RGS7: variants seen among roughly 807,000 people sequenced by gnomAD.
RGS7 encodes the protein regulator of G-protein signaling 7.
In RGS7, 27 loss-of-function variants were observed where a neutral mutation model predicts 81.1. That is an observed-to-expected ratio of 0.33 (90% CI 0.25 to 0.46). RGS7 has a LOEUF of 0.46. Among genes scored for constraint, RGS7 ranks in the 20% least tolerant of loss-of-function variants. The pLI, the probability that RGS7 is intolerant of heterozygous loss-of-function variation, is 1.00. For synonymous variants in RGS7, 208 were observed against 207.7 expected (o/e 1.00, Z -0.01); for missense variants, 396 against 607.4 (o/e 0.65, Z 3.66).
intron 2 of RGS7, among the ~76,000 whole-genome samples, chr1:241,327,119 AAAG>A (rs1439205406): frequency 8.8e-5 from 10 of 114,062 alleles, no homozygotes; most frequent in East Asian, 4.9e-4. Flanking sequence ...AGAAAGAAAG[AAAG>A]AAAGAAAGAA....
At chr1:241,018,721 C>T (rs2059395344) in intron 3 of RGS7, among the ~76,000 whole-genome samples, 1 of 152,052 alleles carries the variant, frequency 6.6e-6, no homozygotes, top group Non-Finnish European at 1.5e-5. Flanking sequence ...GGGCTGTGGC[C>T]TTCACAGGTG....
At chr1:241,347,741 G>A (rs762049706) in intron 2 of RGS7, among the ~76,000 whole-genome samples, 1 of 152,054 alleles carries the variant, frequency 6.6e-6, no homozygotes, top group Non-Finnish European at 1.5e-5. Context: ...GTCATCTGAT[G>A]TTAGGAGAGT....
chr1:240,791,509 T>G (rs1180459895), intron 18 of RGS7, among the ~76,000 whole-genome samples: 2 of 152,224 alleles, frequency 1.3e-5, no homozygotes, highest in African/African-American at 2.4e-5. Flanking sequence ...GTCATTGCTT[T>G]CTGGGTACTA....
chr1:241,135,310 C>T (rs912986719), intron 2 of RGS7, among the ~76,000 whole-genome samples: 13 of 152,034 alleles, frequency 8.6e-5, no homozygotes, highest in Admixed American at 7.2e-4. Context: ...ACCTGTAGTC[C>T]CAGCTACTCG....
At chr1:241,181,161 T>C (rs763368752) in intron 2 of RGS7, among the ~76,000 whole-genome samples, 6 of 152,170 alleles carry the variant, frequency 3.9e-5, no homozygotes, top group Non-Finnish European at 8.8e-5. Flanking sequence ...GCCCAAACTA[T>C]AGAATGTACA....
intron 2 of RGS7, among the ~76,000 whole-genome samples, chr1:241,218,480 T>A (rs775939089): frequency 2.0e-5 from 3 of 152,128 alleles, no homozygotes; most frequent in Non-Finnish European, 4.4e-5. Flanking sequence ...TCCACATAAG[T>A]TGCATTTGAT....
rs374197718 is a variant in RGS7, at chr1:241,295,382, G to C, written c.78+60317C>G. On this transcript the variant is annotated intron_variant, in intron 2 of 18. Transcript: ENST00000440928. Reference sequence around the variant, plus strand: ...GCAGGAGAATCATTTGAACCTGAGAGGTGGAGGTTGCAGTGAGCCGAGATC... The same window carrying C: ...GCAGGAGAATCATTTGAACCTGAGACGTGGAGGTTGCAGTGAGCCGAGATC... Among the ~76,000 whole-genome samples, 16 of 152,162 alleles carry C rather than the reference G, an allele frequency of 1.1e-4. No homozygotes were observed. The East Asian group carries it at 1.9e-3, about 18-fold the overall frequency.
At chr1:240,917,594 T>C (rs1048005864) in intron 6 of RGS7, among the ~76,000 whole-genome samples, 1 of 152,110 alleles carries the variant, frequency 6.6e-6, no homozygotes, top group Non-Finnish European at 1.5e-5. Context: ...CTAGAAAAAC[T>C]GTAAGACATT....
chr1:241,283,857 T>C (rs958317588), intron 2 of RGS7, among the ~76,000 whole-genome samples: 1 of 152,206 alleles, frequency 6.6e-6, no homozygotes, highest in Non-Finnish European at 1.5e-5. Flanking sequence ...TATTGTTCTA[T>C]CTTCCAGTTC....
intron 2 of RGS7, among the ~76,000 whole-genome samples, chr1:241,220,392 G>C (rs1012165021): frequency 6.6e-6 from 1 of 152,130 alleles, no homozygotes; most frequent in South Asian, 2.1e-4. Flanking sequence ...ACAATGTCTA[G>C]AGAGATAGGG....
rs1360678707 is a variant in RGS7 at position 241,258,306 on chromosome 1, G to A, written c.78+97393C>T. ...TAGATAAAACAAATTGACATGGGAC[G>A]TGAATGGGAGAGAAATGAGAAAACC... On this transcript the variant is annotated intron_variant, in intron 2 of 18. Coordinates refer to ENST00000440928, the MANE Select transcript of RGS7 (RefSeq NM_001364886.1). Among the ~76,000 whole-genome samples, 7 of 152,204 alleles carry A rather than the reference G, an allele frequency of 4.6e-5. No individual in the cohort carries two copies. In the Middle Eastern group the frequency reaches 0.014, roughly 298 times the overall value.
At chr1:241,304,068 TAATC>T (rs1437004808) in intron 2 of RGS7, among the ~76,000 whole-genome samples, 7 of 152,254 alleles carry the variant, frequency 4.6e-5, no homozygotes, top group Non-Finnish European at 1.0e-4. Context: ...AAATTTATAT[TAATC>T]AATCATTTGG....
rs74817017 is a variant in RGS7 at position 241,304,923 on chromosome 1, T to C, written c.78+50776A>G. Among the ~76,000 whole-genome samples, 23 of 152,354 alleles carry C rather than the reference T, an allele frequency of 1.5e-4. No homozygotes were observed. The East Asian group carries it at 4.1e-3, about 27-fold the overall frequency. On this transcript the variant is annotated intron_variant, in intron 2 of 18. Transcript: ENST00000440928. ...TTCATGATTAAATCACAATTACTAA[T>C]TGTAGTAATTATAATCTGTTGTAAC...
chr1:240,885,750 G>C (rs897158567), intron 6 of RGS7, among the ~76,000 whole-genome samples: 2 of 152,176 alleles, frequency 1.3e-5, no homozygotes, highest in East Asian at 3.9e-4. Context: ...CTACTTGAGA[G>C]TGGAGGGTGG....
chr1:241,355,734 C>T lies in RGS7; in HGVS notation c.43G>A (p.Ala15Thr), dbSNP rs892506261. 6.2e-7 allele frequency: 1 copy of T among 1,614,136 alleles called. No individual in the cohort carries two copies. Among genetic ancestry groups the T allele is most frequent in the Non-Finnish European group, 8.5e-7 (1 of 1,180,008 alleles). Residue 15 changes from alanine (A) to threonine (T), a missense_variant, in exon 2 of 19, where the codon GCC becomes ACC. Ala to Thr is a moderately conservative substitution (Grantham distance 58). Coordinates refer to ENST00000440928, the MANE Select transcript of RGS7 (RefSeq NM_001364886.1). The part of the protein sequence containing the change: ...NNYGQTSNGV[A>T]DESPNMLVYR... Reference sequence around the variant, plus strand: ...ACCAGCATGTTGGGTGATTCATCGGCCACCCCGTTGCTGGTCTGCCCATAA... The same window carrying T: ...ACCAGCATGTTGGGTGATTCATCGGTCACCCCGTTGCTGGTCTGCCCATAA...
At chr1:241,206,996 T>G (rs1414089253) in intron 2 of RGS7, among the ~76,000 whole-genome samples, 2 of 123,678 alleles carry the variant, frequency 1.6e-5, no homozygotes, top group African/African-American at 3.1e-5. Flanking sequence ...TGAGATGGAG[T>G]CTCGCTCTGT....
rs373916102 is a variant in RGS7, at chr1:240,979,378, A to C, written c.226+3701T>G. 1.2e-4 allele frequency among the ~76,000 whole-genome samples: 19 copies of C among 152,352 alleles called. No homozygotes were observed. In the East Asian group the frequency reaches 3.5e-3, roughly 28 times the overall value. ...ATAATAAAATAACCGAAATAAGCTT[A>C]GTAAGAAAAGTGCAAAGTCTATATT... is the stretch of plus-strand genomic sequence containing the variant. On this transcript the variant is annotated intron_variant, in intron 4 of 18. Transcript: ENST00000440928.
chr1:241,272,150 C>T (rs1012803411), intron 2 of RGS7, among the ~76,000 whole-genome samples: 106 of 152,064 alleles, frequency 7.0e-4, no homozygotes, highest in African/African-American at 2.4e-3. Flanking sequence ...CCCGCCACCA[C>T]GCCTGGCTAA....
At chr1:241,135,864 C>T (rs532394129) in intron 2 of RGS7, among the ~76,000 whole-genome samples, 1 of 151,612 alleles carries the variant, frequency 6.6e-6, no homozygotes, top group South Asian at 2.1e-4. Flanking sequence ...CCTCCGCCTC[C>T]CGGGTTCAAG....
Sources: gnomAD v4.1 joint callset for allele counts (sites outside exome capture counted in the v4.1 genomes callset) on GRCh38, gnomAD v4.1.1 for gene constraint, MANE v1.5 for transcripts, NCBI Gene and HGNC (gene_info 2026-07-23, HGNC 2026-07-21) for gene names.